ERCC8: variants seen among roughly 807,000 people sequenced by gnomAD.
The protein encoded by ERCC8 is DNA excision repair protein ERCC-8.
ERCC8 carries 52 observed loss-of-function variants against 54.9 expected under a neutral mutation model. That is an observed-to-expected ratio of 0.95 (90% CI 0.76 to 1.19). The LOEUF is 1.19. ERCC8 is among the 50% of genes most tolerant of loss of function. The probability of loss-of-function intolerance (pLI) is 0.00; values close to 1 mark genes in which losing one functional copy is unlikely to be tolerated. For synonymous variants in ERCC8, 146 were observed against 157.2 expected (o/e 0.93, Z 0.53); for missense variants, 514 against 466.1 (o/e 1.10, Z -0.95).
intron 4 of ERCC8, among the ~76,000 whole-genome samples, chr5:60,905,883 T>A (rs1475375409): frequency 6.6e-6 from 1 of 152,106 alleles, no homozygotes; most frequent in East Asian, 1.9e-4. Flanking sequence ...GTGGGAGTGG[T>A]TAGATGATGA....
At chr5:60,894,118 G>A (rs1748653776) in intron 9 of ERCC8, among the ~76,000 whole-genome samples, 1 of 151,732 alleles carries the variant, frequency 6.6e-6, no homozygotes. Flanking sequence ...CCGAGTAGCT[G>A]GGACTACAGG....
chr5:60,891,678 G>A (rs1748563868), intron 9 of ERCC8, among the ~76,000 whole-genome samples: 1 of 143,994 alleles, frequency 6.9e-6, no homozygotes, highest in African/African-American at 2.6e-5. Context: ...TTTTTTTCCT[G>A]CTGATACTTC....
At chr5:60,897,022 T>C (rs1264553981) in intron 9 of ERCC8, among the ~76,000 whole-genome samples, 4 of 152,164 alleles carry the variant, frequency 2.6e-5, no homozygotes, top group Non-Finnish European at 5.9e-5. Flanking sequence ...CCTAGTTCCT[T>C]CTGTTCCTCA....
intron 4 of ERCC8, among the ~76,000 whole-genome samples, chr5:60,916,222 C>T (rs898955573): frequency 3.3e-5 from 5 of 152,028 alleles, no homozygotes; most frequent in African/African-American, 7.3e-5. Flanking sequence ...TAATTTCTGG[C>T]TGTCTTGGCA....
intron 10 of ERCC8, among the ~76,000 whole-genome samples, chr5:60,889,742 G>A (rs1285090588): frequency 6.6e-6 from 1 of 152,186 alleles, no homozygotes; most frequent in Admixed American, 6.5e-5. Context: ...GAGGGACAAT[G>A]TTTTAAGAAT....
intron 11 of ERCC8, among the ~76,000 whole-genome samples, chr5:60,884,535 T>TG (rs1748341205): frequency 6.7e-6 from 1 of 149,822 alleles, no homozygotes; most frequent in African/African-American, 2.4e-5. Context: ...TTTTTTTTTT[T>TG]TTGTTTTCTA....
chr5:60,920,746 C>A (rs945320999), intron 3 of ERCC8, among the ~76,000 whole-genome samples: 4 of 151,854 alleles, frequency 2.6e-5, no homozygotes, highest in Non-Finnish European at 4.4e-5. Flanking sequence ...TAAAACAAGA[C>A]TGACACATTA....
chr5:60,872,633 TAAC>T lies in ERCC8; in HGVS notation c.*1979_*1981del, dbSNP rs1261789792. Reference sequence around the variant, plus strand: ...TGGCTACTATCAATAACACAAAAGATAACAAGTGTTGGCAAGGATGTGAAGAAA... The same window carrying T: ...TGGCTACTATCAATAACACAAAAGATAAGTGTTGGCAAGGATGTGAAGAAA... On this transcript the variant is annotated 3_prime_UTR_variant, in exon 12 of 12. Transcript: ENST00000676185. 1.3e-5 allele frequency among the ~76,000 whole-genome samples: 2 copies of T among 152,116 alleles called. No individual in the cohort carries two copies. Among genetic ancestry groups the T allele is most frequent in the Non-Finnish European group, 2.9e-5 (2 of 68,012 alleles).
chr5:60,903,543 A>G, intron 6 of ERCC8, 105 bp downstream of exon 6: 1 of 1,560,472 alleles, frequency 6.4e-7, no homozygotes, highest in Non-Finnish European at 8.7e-7. Context: ...AACCAGCACA[A>G]AGTACATTAG....
intron 4 of ERCC8, among the ~76,000 whole-genome samples, chr5:60,910,611 A>G (rs1396207102): frequency 2.0e-5 from 3 of 152,304 alleles, no homozygotes; most frequent in East Asian, 3.8e-4. Flanking sequence ...TTCATTAAAT[A>G]TATTACTAGG....
intron 4 of ERCC8, 120 bp downstream of exon 4, chr5:60,918,145 A>G: frequency 1.2e-6 from 1 of 802,182 alleles, no homozygotes; most frequent in Non-Finnish European, 2.1e-6. Flanking sequence ...CTTCTTAACC[A>G]CTGTACTGCT....
chr5:60,879,843 T>C (rs1748147958), intron 11 of ERCC8, among the ~76,000 whole-genome samples: 1 of 152,254 alleles, frequency 6.6e-6, no homozygotes, highest in South Asian at 2.1e-4. Flanking sequence ...TGTCTTTTAA[T>C]TGGAGCAGTT....
At chr5:60,879,258 T>C (rs1748123354) in intron 11 of ERCC8, among the ~76,000 whole-genome samples, 1 of 152,216 alleles carries the variant, frequency 6.6e-6, no homozygotes, top group Admixed American at 6.5e-5. Context: ...TTCTGTTCTT[T>C]TACATTTGCT....
intron 11 of ERCC8, among the ~76,000 whole-genome samples, chr5:60,875,766 C>T (rs915525433): frequency 1.3e-5 from 2 of 152,028 alleles, no homozygotes; most frequent in Non-Finnish European, 2.9e-5. Context: ...GCGCGATCTC[C>T]GCTCACTGCA....
rs943466567 is a variant in ERCC8, at chr5:60,872,934, T to G, written c.*1681A>C. On this transcript the variant is annotated 3_prime_UTR_variant, in exon 12 of 12. Transcript: ENST00000676185. ...ACCTAAGCATCTGTCAATGGTTGAA[T>G]GGATAAAGAAAATGTAGTACATATA... Among the ~76,000 whole-genome samples, 6 of 152,174 alleles carry G rather than the reference T, an allele frequency of 3.9e-5. No individual in the cohort carries two copies. The highest frequency in any genetic ancestry group is 1.4e-4 in the African/African-American group (6 of 41,424).
intron 9 of ERCC8, chr5:60,893,471 G>A: frequency 2.1e-6 from 2 of 954,002 alleles, no homozygotes; most frequent in Non-Finnish European, 1.7e-6. Context: ...AAACTGAGGA[G>A]CAGAGGGCAC....
At chr5:60,925,633 G>A (rs1443296361) in intron 2 of ERCC8, among the ~76,000 whole-genome samples, 1 of 152,120 alleles carries the variant, frequency 6.6e-6, no homozygotes, top group East Asian at 1.9e-4. Context: ...CAAAAATGCT[G>A]GTAGTGCACA....
At chr5:60,913,565 T>G (rs371908583) in intron 4 of ERCC8, among the ~76,000 whole-genome samples, 1 of 152,160 alleles carries the variant, frequency 6.6e-6, no homozygotes, top group East Asian at 1.9e-4. Context: ...ATTGATTTTT[T>G]GAAGGGTTTT....
intron 11 of ERCC8, among the ~76,000 whole-genome samples, chr5:60,885,109 C>T (rs1309528330): frequency 6.6e-6 from 1 of 151,782 alleles, no homozygotes; most frequent in Non-Finnish European, 1.5e-5. Context: ...AACTCTTGGG[C>T]TCAGTGATCC....
Sources: allele counts gnomAD v4.1 joint callset (sites outside exome capture counted in the v4.1 genomes callset), GRCh38; gene constraint gnomAD v4.1.1; transcripts MANE v1.5; gene names NCBI Gene and HGNC (gene_info 2026-07-23, HGNC 2026-07-21).